PPFIA2: variants seen among roughly 807,000 people sequenced by gnomAD.
PPFIA2 encodes the protein liprin-alpha-2.
In PPFIA2, 46 loss-of-function variants were observed where a neutral mutation model predicts 175.5. The ratio of observed to expected loss-of-function variants is 0.26; its 90% CI spans 0.21 to 0.34. The LOEUF (loss-of-function observed/expected upper bound fraction) is 0.34. Ranked by LOEUF, PPFIA2 falls within the 10% of genes least tolerant of loss-of-function variation. The pLI is 1.00. For missense variants in PPFIA2, 1,179 were observed against 1,506.1 expected (o/e 0.78, Z 3.60); for synonymous variants, 568 against 511.4 (o/e 1.11, Z -1.49).
chr12:81,539,878 G>C (rs189586602), intron 4 of PPFIA2, among the ~76,000 whole-genome samples: 1 of 152,008 alleles, frequency 6.6e-6, no homozygotes, highest in Admixed American at 6.6e-5. Flanking sequence ...AGGTGTGATT[G>C]CTTAGAATAA....
intron 17 of PPFIA2, among the ~76,000 whole-genome samples, chr12:81,349,780 A>G (rs1566347379): frequency 6.6e-6 from 1 of 152,186 alleles, no homozygotes; most frequent in Admixed American, 6.5e-5. Flanking sequence ...AATTTAACAG[A>G]CAATAGTAGC....
intron 3 of PPFIA2, among the ~76,000 whole-genome samples, chr12:81,738,635 A>G (rs2081940235): frequency 1.3e-5 from 2 of 151,808 alleles, no homozygotes. Context: ...ATAACAGAGG[A>G]AAAAAATGCA....
chr12:81,674,533 T>A (rs1290831664), intron 4 of PPFIA2, among the ~76,000 whole-genome samples: 1 of 151,990 alleles, frequency 6.6e-6, no homozygotes, highest in African/African-American at 2.4e-5. Context: ...TTGGGCATGC[T>A]GGCGCATGCC....
At chr12:81,673,103 CACAGTCTACAG>C (rs2071748340) in intron 4 of PPFIA2, among the ~76,000 whole-genome samples, 2 of 151,990 alleles carry the variant, frequency 1.3e-5, no homozygotes, top group South Asian at 2.1e-4. Flanking sequence ...ACACCTAGTC[CACAGTCTACAG>C]ACAATTCTGG....
At chr12:81,640,289 G>A (rs976300408) in intron 4 of PPFIA2, among the ~76,000 whole-genome samples, 1 of 152,034 alleles carries the variant, frequency 6.6e-6, no homozygotes, top group Admixed American at 6.6e-5. Flanking sequence ...CAGAAAGCAG[G>A]AGATACAAAA....
At chr12:81,646,302 G>A (rs894309133) in intron 4 of PPFIA2, among the ~76,000 whole-genome samples, 1 of 152,110 alleles carries the variant, frequency 6.6e-6, no homozygotes, top group Non-Finnish European at 1.5e-5. Flanking sequence ...CTGTCTTGAA[G>A]GAGGGCTAGA....
chr12:81,469,353 G>A (rs1049242531), intron 4 of PPFIA2, among the ~76,000 whole-genome samples: 5 of 152,120 alleles, frequency 3.3e-5, no homozygotes, highest in Non-Finnish European at 7.4e-5. Context: ...TGTGTACAAT[G>A]GTGAAAAAGA....
At chr12:81,467,165 T>G (rs2055817701) in intron 4 of PPFIA2, among the ~76,000 whole-genome samples, 1 of 151,950 alleles carries the variant, frequency 6.6e-6, no homozygotes. Context: ...ATGGCAGAAG[T>G]GATTGACATT....
At chr12:81,754,769 A>G (rs1177211013) in intron 2 of PPFIA2, among the ~76,000 whole-genome samples, 1 of 152,202 alleles carries the variant, frequency 6.6e-6, no homozygotes, top group Non-Finnish European at 1.5e-5. Flanking sequence ...TTTATTTTAT[A>G]TAATAATCAG....
intron 4 of PPFIA2, among the ~76,000 whole-genome samples, chr12:81,572,336 T>C (rs2072708450): frequency 6.6e-6 from 1 of 152,024 alleles, no homozygotes; most frequent in Non-Finnish European, 1.5e-5. Context: ...TCCCATATAC[T>C]CAGCATTTTT....
intron 4 of PPFIA2, among the ~76,000 whole-genome samples, chr12:81,632,277 C>T (rs2063478137): frequency 6.6e-6 from 1 of 151,854 alleles, no homozygotes; most frequent in African/African-American, 2.4e-5. Context: ...AGACATCACC[C>T]CAAATCATTC....
At chr12:81,443,755 T>C (rs1388430769) in intron 6 of PPFIA2, among the ~76,000 whole-genome samples, 1 of 152,036 alleles carries the variant, frequency 6.6e-6, no homozygotes, top group Non-Finnish European at 1.5e-5. Context: ...TCTGGGTTAT[T>C]TTCTGTGTGG....
Position 81,407,662 on chromosome 12 carries a change from A to T in PPFIA2, c.646-1759T>A, listed in dbSNP as rs2043185512. On this transcript the variant is annotated intron_variant, in intron 7 of 32. Coordinates refer to ENST00000549396, the MANE Select transcript of PPFIA2 (RefSeq NM_003625.5). ...CACTGGCCTCCTTTCCATCCCTCAAACATATCTGTCTCTTTCTTACACAGA... is the reference window on the plus strand; with the variant it reads ...CACTGGCCTCCTTTCCATCCCTCAATCATATCTGTCTCTTTCTTACACAGA... 2.0e-5 allele frequency among the ~76,000 whole-genome samples: 3 copies of T among 152,052 alleles called. No individual in the cohort carries two copies. In the South Asian group the frequency reaches 6.3e-4, roughly 32 times the overall value.
At chr12:81,543,785 T>C (rs2066573405) in intron 4 of PPFIA2, among the ~76,000 whole-genome samples, 1 of 152,184 alleles carries the variant, frequency 6.6e-6, no homozygotes, top group Non-Finnish European at 1.5e-5. Context: ...ATTGACAGTA[T>C]GTACTCTTCA....
chr12:81,308,344 T>A (rs2049866673), intron 22 of PPFIA2, among the ~76,000 whole-genome samples: 1 of 152,174 alleles, frequency 6.6e-6, no homozygotes, highest in African/African-American at 2.4e-5. Flanking sequence ...ATTAATTCAT[T>A]TAATTTTCAT....
At chr12:81,337,976 A>G (rs530830135) in intron 21 of PPFIA2, among the ~76,000 whole-genome samples, 1 of 152,296 alleles carries the variant, frequency 6.6e-6, no homozygotes, top group South Asian at 2.1e-4. Context: ...ATACAAAAAG[A>G]TTTAATTCCT....
chr12:81,462,500 T>A (rs1346221040), intron 4 of PPFIA2, among the ~76,000 whole-genome samples: 2 of 146,448 alleles, frequency 1.4e-5, no homozygotes, highest in African/African-American at 4.9e-5. Flanking sequence ...ATATATTGTA[T>A]TCTGTTTCTT....
intron 4 of PPFIA2, among the ~76,000 whole-genome samples, chr12:81,489,364 A>G (rs1030716149): frequency 6.6e-6 from 1 of 151,810 alleles, no homozygotes; most frequent in African/African-American, 2.4e-5. Flanking sequence ...CGTAAAACTC[A>G]AGATGCATTC....
chr12:81,441,902 G>A (rs972331289), intron 6 of PPFIA2, among the ~76,000 whole-genome samples: 1 of 152,096 alleles, frequency 6.6e-6, no homozygotes, highest in Non-Finnish European at 1.5e-5. Context: ...TTAAGCTGCT[G>A]TAGAGAGAGG....
Sources: allele counts gnomAD v4.1 joint callset (sites outside exome capture counted in the v4.1 genomes callset), GRCh38; gene constraint gnomAD v4.1.1; transcripts MANE v1.5; gene names NCBI Gene and HGNC (gene_info 2026-07-23, HGNC 2026-07-21).